TASP1: variants seen among roughly 807,000 people sequenced by gnomAD.
TASP1 encodes the protein taspase 1.
TASP1 carries 16 observed loss-of-function variants against 56.6 expected under a neutral mutation model. That is an observed-to-expected ratio of 0.28 (90% confidence interval 0.19 to 0.43). TASP1 has a LOEUF of 0.43. Ranked by LOEUF, TASP1 falls within the 20% of genes least tolerant of loss-of-function variation. The pLI is 1.00. For missense variants in TASP1, 393 were observed against 511.6 expected, an observed-to-expected ratio of 0.77 and a Z score of 2.24; for synonymous variants, 179 against 184.2, an observed-to-expected ratio of 0.97 and a Z score of 0.23.
intron 1 of TASP1, among the ~76,000 whole-genome samples, chr20:13,637,268 A>G (rs1209106593): frequency 1.3e-5 from 2 of 152,252 alleles, no homozygotes; most frequent in Non-Finnish European, 2.9e-5. Context: ...TGAAAAAATC[A>G]GAACCCTTAT....
intron 1 of TASP1, among the ~76,000 whole-genome samples, chr20:13,637,806 T>C (rs2049363828): frequency 6.6e-6 from 1 of 152,138 alleles, no homozygotes; most frequent in African/African-American, 2.4e-5. Flanking sequence ...GTTCTGAAAG[T>C]AGATAGTGGT....
intron 10 of TASP1, among the ~76,000 whole-genome samples, chr20:13,517,148 T>C (rs899667045): frequency 1.3e-5 from 2 of 152,130 alleles, no homozygotes; most frequent in African/African-American, 2.4e-5. Flanking sequence ...AGCCTTTTGC[T>C]ATAGCTAATA....
chr20:13,328,245 AAC>A, the TASP1 span, among the ~76,000 whole-genome samples: 1 of 152,328 alleles, frequency 6.6e-6, no homozygotes, highest in Non-Finnish European at 1.5e-5. Flanking sequence ...TGCAAATTAA[AAC>A]CACAATGAGA....
intron 11 of TASP1, among the ~76,000 whole-genome samples, chr20:13,457,941 G>A (rs1457738770): frequency 6.6e-6 from 1 of 152,160 alleles, no homozygotes. Flanking sequence ...TAAAAATCAA[G>A]TGAAGAATCA....
At chr20:13,488,162 G>C (rs1040835748) in intron 10 of TASP1, among the ~76,000 whole-genome samples, 7 of 152,038 alleles carry the variant, frequency 4.6e-5, no homozygotes, top group African/African-American at 1.7e-4. Flanking sequence ...TAAGGAATAA[G>C]AATTTTCTAG....
At chr20:13,319,519 A>C in the TASP1 span, among the ~76,000 whole-genome samples, 3 of 152,174 alleles carry the variant, frequency 2.0e-5, no homozygotes, top group Non-Finnish European at 4.4e-5. Context: ...GCTAGATAGG[A>C]TATAGATCAG....
intron 6 of TASP1, among the ~76,000 whole-genome samples, chr20:13,579,252 A>G (rs965629294): frequency 2.0e-5 from 3 of 152,246 alleles, no homozygotes; most frequent in African/African-American, 7.2e-5. Context: ...AGGTATGGCT[A>G]GAAGGACTCC....
intron 8 of TASP1, among the ~76,000 whole-genome samples, chr20:13,546,455 A>C (rs1287770738): frequency 6.6e-6 from 1 of 152,234 alleles, no homozygotes; most frequent in Non-Finnish European, 1.5e-5. Flanking sequence ...CACAGCCAAA[A>C]AAAGGCACAA....
intron 13 of TASP1, among the ~76,000 whole-genome samples, chr20:13,397,429 A>T (rs1253845330): frequency 6.6e-6 from 1 of 152,204 alleles, no homozygotes; most frequent in Non-Finnish European, 1.5e-5. Flanking sequence ...GATGAAAAAA[A>T]AAATGAGACA....
chr20:13,284,142 G>A, the TASP1 span, among the ~76,000 whole-genome samples: 3 of 152,198 alleles, frequency 2.0e-5, no homozygotes, highest in Non-Finnish European at 4.4e-5. Flanking sequence ...TCAGTAGATC[G>A]ACAGGGCAGC....
chr20:13,280,916 T>C, the TASP1 span, among the ~76,000 whole-genome samples: 1 of 152,246 alleles, frequency 6.6e-6, no homozygotes, highest in Non-Finnish European at 1.5e-5. Flanking sequence ...CGTCATGATT[T>C]TCTTGTGGCT....
chr20:13,501,587 T>C (rs2146647312), intron 10 of TASP1, among the ~76,000 whole-genome samples: 1 of 151,848 alleles, frequency 6.6e-6, no homozygotes, highest in Admixed American at 6.6e-5. Flanking sequence ...TGGCAAAATA[T>C]TTACGGAGAA....
At chr20:13,520,262 G>A (rs936804655) in intron 10 of TASP1, among the ~76,000 whole-genome samples, 1 of 151,686 alleles carries the variant, frequency 6.6e-6, no homozygotes, top group Non-Finnish European at 1.5e-5. Flanking sequence ...CACAGAATTG[G>A]AAAAAACTAC....
chr20:13,358,640 C>T, the TASP1 span, among the ~76,000 whole-genome samples: 54 of 150,120 alleles, frequency 3.6e-4, no homozygotes, highest in African/African-American at 1.3e-3. Flanking sequence ...AAAACTTCGG[C>T]GCCAGTCACG....
the TASP1 span, among the ~76,000 whole-genome samples, chr20:13,137,338 G>T: frequency 6.6e-6 from 1 of 152,176 alleles, no homozygotes; most frequent in Non-Finnish European, 1.5e-5. Flanking sequence ...CTTTAGCAGG[G>T]TTGGGGAATG....
At chr20:13,289,067 T>C in the TASP1 span, among the ~76,000 whole-genome samples, 3 of 152,242 alleles carry the variant, frequency 2.0e-5, no homozygotes, top group African/African-American at 7.2e-5. Flanking sequence ...ATTACAGGCA[T>C]GAGGCAAGAT....
At chr20:13,181,739 T>G in the TASP1 span, among the ~76,000 whole-genome samples, 1 of 152,172 alleles carries the variant, frequency 6.6e-6, no homozygotes, top group Non-Finnish European at 1.5e-5. Context: ...CCACCTCTTT[T>G]TAGATGAGTT....
At chr20:13,574,435 T>C (rs764076136) in intron 6 of TASP1, among the ~76,000 whole-genome samples, 3 of 152,110 alleles carry the variant, frequency 2.0e-5, no homozygotes, top group Non-Finnish European at 4.4e-5. Context: ...TGAAACCCAA[T>C]AAAAATTACC....
chr20:13,482,738 G>A (rs1301265620), intron 11 of TASP1, among the ~76,000 whole-genome samples: 1 of 152,098 alleles, frequency 6.6e-6, no homozygotes, highest in Non-Finnish European at 1.5e-5. Flanking sequence ...ATGCTATTAA[G>A]CCGATGAATT....
Sources: gnomAD v4.1 joint callset for allele counts (sites outside exome capture counted in the v4.1 genomes callset) on GRCh38, gnomAD v4.1.1 for gene constraint, MANE v1.5 for transcripts, NCBI Gene and HGNC (gene_info 2026-07-23, HGNC 2026-07-21) for gene names.